The following HNRNPUL1 variants were observed in gnomAD, a reference collection of about 807,000 sequenced individuals.
HNRNPUL1 encodes the protein heterogeneous nuclear ribonucleoprotein U like 1.
A neutral mutation model predicts 108.5 loss-of-function variants in HNRNPUL1; 14 were observed. That is an observed-to-expected ratio of 0.13 (90% CI 0.09 to 0.20). HNRNPUL1 has a LOEUF of 0.20. Ranked by LOEUF, HNRNPUL1 falls within the 10% of genes least tolerant of loss-of-function variation. The pLI is 1.00. For synonymous variants in HNRNPUL1, 422 were observed against 445.2 expected, an observed-to-expected ratio of 0.95 and a Z score of 0.66; for missense variants, 804 against 1,168.3, an observed-to-expected ratio of 0.69 and a Z score of 4.55.
intron 7 of HNRNPUL1, among the ~76,000 whole-genome samples, chr19:41,288,731 G>A (rs1034557909): frequency 6.6e-6 from 1 of 152,094 alleles, no homozygotes; most frequent in Non-Finnish European, 1.5e-5. Flanking sequence ...CAGGGGTTTG[G>A]GTACCCTGCT....
chr19:41,269,203 T>C (rs2035054494), intron 2 of HNRNPUL1, among the ~76,000 whole-genome samples: 1 of 151,192 alleles, frequency 6.6e-6, no homozygotes, highest in Admixed American at 6.6e-5. Flanking sequence ...CGCTGGCTCA[T>C]ACCTATAATT....
upstream of HNRNPUL1, chr19:41,263,040 C>CAAAAAAAA (rs761873641): frequency 1.7e-5 from 1 of 59,240 alleles, no homozygotes; most frequent in African/African-American, 6.8e-5. Context: ...GACTCCGTCT[C>CAAAAAAAA]AAAAAAAAAA....
rs774827461 is a variant in HNRNPUL1 at position 41,294,476 on chromosome 19, G to A, written c.1389+16G>A. The stretch of plus-strand genomic sequence containing the variant: ...TAAGATGCGGGTAAGGCCAGCCACT[G>A]GACTCTCCTTACTCACCTCCAACCT... On this transcript the variant is annotated intron_variant, in intron 9 of 14. Coordinates refer to ENST00000392006, the MANE Select transcript of HNRNPUL1 (RefSeq NM_007040.6). The surrounding 1 kb of genome is among the most constrained non-coding windows in gnomAD (Gnocchi z 4.3). 7 of 1,614,056 alleles carry A rather than the reference G, an allele frequency of 4.3e-6. No homozygotes were observed. The highest frequency in any genetic ancestry group is 5.9e-6 in the Non-Finnish European group (7 of 1,179,998).
intron 7 of HNRNPUL1, among the ~76,000 whole-genome samples, chr19:41,288,792 C>G (rs904424504): frequency 5.3e-5 from 8 of 152,096 alleles, no homozygotes; most frequent in Non-Finnish European, 1.0e-4. Context: ...TTTCCTGGAA[C>G]AGATAAATGC....
At chr19:41,265,500 A>G (rs2034775296) in intron 1 of HNRNPUL1, among the ~76,000 whole-genome samples, 1 of 152,102 alleles carries the variant, frequency 6.6e-6, no homozygotes, top group South Asian at 2.1e-4. Flanking sequence ...CTGGAAGGCC[A>G]CCCTTGAAGC....
At chr19:41,284,384 G>A (rs2036084876) in intron 7 of HNRNPUL1, among the ~76,000 whole-genome samples, 2 of 152,218 alleles carry the variant, frequency 1.3e-5, no homozygotes, top group Admixed American at 1.3e-4. Flanking sequence ...GACAATGCAA[G>A]GCCGGACACT....
intron 11 of HNRNPUL1, 76 bp from the exon 12 acceptor site, chr19:41,302,589 T>G (rs759326533): frequency 6.4e-7 from 1 of 1,568,708 alleles, no homozygotes; most frequent in Middle Eastern, 1.7e-4. Context: ...GCCACTCTTC[T>G]GGGTGGAGGG....
intron 1 of HNRNPUL1, chr19:41,267,948 T>A: frequency 3.7e-6 from 1 of 266,706 alleles, no homozygotes; most frequent in Non-Finnish European, 7.1e-6. Context: ...TCTTCATTCC[T>A]GGTACTACTT....
chr19:41,301,430 A>C, intron 10 of HNRNPUL1, 106 bp from the exon 11 acceptor site: 1 of 856,040 alleles, frequency 1.2e-6, no homozygotes, highest in Non-Finnish European at 1.8e-6. Context: ...GCTTACAAGG[A>C]GCACTGATAT....
chr19:41,304,058 A>G lies in HNRNPUL1; in HGVS notation c.2059A>G (p.Ser687Gly). 1.2e-6 allele frequency: 2 copies of G among 1,613,726 alleles called. No individual in the cohort carries two copies. The highest frequency in any genetic ancestry group is 1.7e-6 in the Non-Finnish European group (2 of 1,179,614). The change falls in exon 13 of 15, where the codon AGC becomes GGC. Residue 687 changes from serine to glycine, a missense_variant. Physicochemically the swap from Ser to Gly is moderately conservative, Grantham distance 56. Around this residue, in one of 4 missense-constraint regions of HNRNPUL1, gnomAD observed 294 missense variants for 388.3 expected, o/e 0.76. Coordinates refer to ENST00000392006, the MANE Select transcript of HNRNPUL1 (RefSeq NM_007040.6). ...TAACAACAACTCCAACAACAGAGGC[A>G]GCTACAACCGGGCTCCCCAGCAACA... ...RDNNNSNNRG[S>G]YNRAPQQQPP...
At position 41,305,908 on chromosome 19, in the gene HNRNPUL1, C is replaced by T. The variant is rs1226201774; in HGVS notation, c.2454+41C>T. 5.3e-6 allele frequency: 7 copies of T among 1,329,410 alleles called. No individual in the cohort carries two copies. The South Asian group carries it at 6.4e-5, about 12-fold the overall frequency. 82.4% of individuals were successfully genotyped at this position (1,329,410 alleles called of 1,614,324 possible). On this transcript the variant is annotated intron_variant, in intron 14 of 14. Transcript: ENST00000392006. ...GGGGCCAACTGGATGGAGAGACTTC[C>T]ATGGGCCCCTCCTGGGTGTGTATTC...
At chr19:41,284,046 A>G (rs1019903122) in intron 7 of HNRNPUL1, among the ~76,000 whole-genome samples, 1 of 152,258 alleles carries the variant, frequency 6.6e-6, no homozygotes, top group African/African-American at 2.4e-5. Flanking sequence ...TGTGTATCAC[A>G]GTAAAAAGTG....
intron 7 of HNRNPUL1, among the ~76,000 whole-genome samples, chr19:41,282,285 C>G (rs565774545): frequency 2.0e-5 from 3 of 152,082 alleles, no homozygotes; most frequent in Non-Finnish European, 4.4e-5. Context: ...TGGGTTCAAG[C>G]GATTCTCCTG....
chr19:41,288,294 G>A (rs1388369632), intron 7 of HNRNPUL1, among the ~76,000 whole-genome samples: 2 of 151,234 alleles, frequency 1.3e-5, no homozygotes, highest in Admixed American at 1.3e-4. Context: ...TGCCCAGGCT[G>A]GAGTGCAATG....
chr19:41,298,767 C>G (rs964109917), intron 10 of HNRNPUL1: 1 of 152,264 alleles, frequency 6.6e-6, no homozygotes, highest in African/African-American at 2.4e-5. Context: ...TTCCTCTCAT[C>G]CCATGAAGCT....
chr19:41,272,385 AC>A, intron 3 of HNRNPUL1, 150 bp downstream of exon 3: 1 of 801,748 alleles, frequency 1.2e-6, no homozygotes, highest in Non-Finnish European at 1.9e-6. Context: ...CGTACTTGCT[AC>A]CAGATTCAGC....
At chr19:41,269,821 G>A (rs1026847768) in intron 2 of HNRNPUL1, among the ~76,000 whole-genome samples, 2 of 151,984 alleles carry the variant, frequency 1.3e-5, no homozygotes, top group Non-Finnish European at 2.9e-5. Flanking sequence ...CAGGCCGAGT[G>A]CGATGGCTGT....
intron 1 of HNRNPUL1, chr19:41,265,163 C>G: frequency 7.0e-7 from 1 of 1,433,168 alleles, no homozygotes; most frequent in South Asian, 1.4e-5. Flanking sequence ...AATGGGGATC[C>G]TAGGGTACGG....
At chr19:41,305,140 C>T (rs2037465336) in intron 13 of HNRNPUL1, among the ~76,000 whole-genome samples, 1 of 152,170 alleles carries the variant, frequency 6.6e-6, no homozygotes, top group Non-Finnish European at 1.5e-5. Flanking sequence ...TCTTGAGCCT[C>T]AGTTTCTTTC....
Sources: allele counts gnomAD v4.1 joint callset (sites outside exome capture counted in the v4.1 genomes callset), GRCh38; gene constraint gnomAD v4.1.1; regional missense constraint gnomAD v4.1.1; non-coding constraint Gnocchi (gnomAD v3.1); transcripts MANE v1.5; gene names NCBI Gene and HGNC (gene_info 2026-07-23, HGNC 2026-07-21).